BABAM2: variants seen among roughly 807,000 people sequenced by gnomAD.
The protein encoded by BABAM2 is BRISC and BRCA1-A complex member 2.
BABAM2 carries 31 observed loss-of-function variants against 54.7 expected under a neutral mutation model. The ratio of observed to expected loss-of-function variants is 0.57; its 90% CI spans 0.43 to 0.77. The LOEUF is 0.77. Ranked by LOEUF, BABAM2 falls within the 30% of genes least tolerant of loss-of-function variation. The pLI, the probability that BABAM2 is intolerant of heterozygous loss-of-function variation, is 0.00. For synonymous variants in BABAM2, 167 were observed against 162.9 expected (o/e 1.03, Z -0.19); for missense variants, 364 against 455.8 (o/e 0.80, Z 1.83).
intron 3 of BABAM2, among the ~76,000 whole-genome samples, chr2:27,963,715 T>C (rs1487451785): frequency 6.6e-6 from 1 of 152,278 alleles, no homozygotes; most frequent in South Asian, 2.1e-4. Flanking sequence ...ATGTTTCATA[T>C]GTTATTATAC....
At chr2:28,197,562 G>T (rs1186065566) in intron 7 of BABAM2, among the ~76,000 whole-genome samples, 1 of 152,134 alleles carries the variant, frequency 6.6e-6, no homozygotes, top group Non-Finnish European at 1.5e-5. Flanking sequence ...AAATGGAAAT[G>T]AAGTAAAAGG....
rs1690334954 is a variant in BABAM2 at position 28,325,081 on chromosome 2, C to G, written c.1089-13369C>G. Among the ~76,000 whole-genome samples, 1 of 152,100 alleles carries G rather than the reference C, an allele frequency of 6.6e-6. No homozygotes were observed. Among genetic ancestry groups the G allele is most frequent in the African/African-American group, 2.4e-5 (1 of 41,394 alleles). Reference sequence around the variant, plus strand: ...AAACAAAAGTGCCACATACAGTGCACTCTGATTTTATTTCACTTTATTTTA... The same window carrying G: ...AAACAAAAGTGCCACATACAGTGCAGTCTGATTTTATTTCACTTTATTTTA... On this transcript the variant is annotated intron_variant, in intron 11 of 11. Coordinates refer to ENST00000379624, the MANE Select transcript of BABAM2 (RefSeq NM_199191.3). This position sits in a 1 kb window ranked among gnomAD's most constrained non-coding sequence, Gnocchi z 4.3.
At chr2:28,112,153 C>CTTTCTTTCTTTCTTTCTTTCTTTCTTT (rs1558346881) in intron 6 of BABAM2, among the ~76,000 whole-genome samples, 1 of 7,922 alleles carries the variant, frequency 1.3e-4, no homozygotes, top group Non-Finnish European at 2.0e-4. Context: ...TTCTTTACCT[C>CTTTCTTTCTTTCTTTCTTTCTTTCTTT]CCTCCCTCCC....
At chr2:28,182,428 C>T (rs150315316) in intron 7 of BABAM2, among the ~76,000 whole-genome samples, 1,940 of 152,266 alleles carry the variant, frequency 0.013, 37 homozygotes, top group African/African-American at 0.044. Context: ...ATCACACACA[C>T]AATCATAGCT....
chr2:28,216,951 C>T (rs572762278), intron 7 of BABAM2, among the ~76,000 whole-genome samples: 1 of 152,132 alleles, frequency 6.6e-6, no homozygotes, highest in Admixed American at 6.6e-5. Flanking sequence ...TTCGCTCTGC[C>T]AGAAGGTCAT....
chr2:27,998,552 G>A (rs972921601), intron 4 of BABAM2, among the ~76,000 whole-genome samples: 6 of 151,694 alleles, frequency 4.0e-5, no homozygotes, highest in African/African-American at 1.5e-4. Flanking sequence ...TTTTAAAATT[G>A]GTTTCTGTTC....
chr2:28,187,893 C>G (rs913093520), intron 7 of BABAM2, among the ~76,000 whole-genome samples: 2 of 152,104 alleles, frequency 1.3e-5, no homozygotes, highest in African/African-American at 4.8e-5. Flanking sequence ...GTCTGGAACT[C>G]CTGACCTCAG....
At chr2:28,318,888 A>G (rs1036273100) in intron 11 of BABAM2, among the ~76,000 whole-genome samples, 1 of 152,218 alleles carries the variant, frequency 6.6e-6, no homozygotes, top group Non-Finnish European at 1.5e-5. Flanking sequence ...ATGGCAGGAA[A>G]GGGAGCCAAA....
intron 2 of BABAM2, among the ~76,000 whole-genome samples, chr2:27,911,673 TC>T (rs1666610746): frequency 1.3e-5 from 2 of 152,098 alleles, no homozygotes; most frequent in South Asian, 4.1e-4. Flanking sequence ...CCTCATCAGT[TC>T]CTCTCAGAAG....
intron 7 of BABAM2, among the ~76,000 whole-genome samples, chr2:28,201,774 A>C (rs1234991190): frequency 6.6e-6 from 1 of 152,206 alleles, no homozygotes; most frequent in Non-Finnish European, 1.5e-5. Flanking sequence ...CTTAAGACTT[A>C]TAAAGACGCT....
rs1028773831 is a variant in BABAM2 at position 28,304,025 on chromosome 2, C to A, written c.1088+5534C>A. ...CCTCCTGAGTACCCAGGACTACAGA[C>A]GTGTGCCACCACACCCAGCTAATTT... On this transcript the variant is annotated intron_variant, in intron 11 of 11. Coordinates refer to ENST00000379624, the MANE Select transcript of BABAM2 (RefSeq NM_199191.3). This position sits in a 1 kb window ranked among gnomAD's most constrained non-coding sequence, Gnocchi z 4.0. Among the ~76,000 whole-genome samples the A allele has an allele frequency of 3.9e-5, 6 of 152,150 alleles. No homozygotes were observed. Among genetic ancestry groups the A allele is most frequent in the South Asian group, 2.1e-4 (1 of 4,814 alleles).
At chr2:27,944,499 A>G (rs530107345) in intron 3 of BABAM2, among the ~76,000 whole-genome samples, 4 of 152,326 alleles carry the variant, frequency 2.6e-5, no homozygotes, top group Admixed American at 1.3e-4. Context: ...AGTTTTTGGT[A>G]TATGGCCTCT....
intron 10 of BABAM2, among the ~76,000 whole-genome samples, chr2:28,264,357 A>C (rs186367015): frequency 3.3e-5 from 5 of 152,320 alleles, no homozygotes; most frequent in African/African-American, 1.2e-4. Context: ...AAAAGAAAAA[A>C]AACTCTTTGG....
At chr2:28,276,311 G>A (rs745865677) in intron 10 of BABAM2, among the ~76,000 whole-genome samples, 1 of 152,070 alleles carries the variant, frequency 6.6e-6, no homozygotes, top group Non-Finnish European at 1.5e-5. Flanking sequence ...ACAGATGTGA[G>A]TCATCCACTT....
At chr2:28,196,836 C>CTTT (rs759950166) in intron 7 of BABAM2, among the ~76,000 whole-genome samples, 1,449 of 40,214 alleles carry the variant, frequency 0.036, 450 homozygotes, top group African/African-American at 0.089. Context: ...GAGACCCTGT[C>CTTT]TTTTTTTTTT....
chr2:28,248,244 T>C (rs1366550961), intron 10 of BABAM2, among the ~76,000 whole-genome samples: 1 of 99,490 alleles, frequency 1.0e-5, no homozygotes, highest in African/African-American at 3.5e-5. Flanking sequence ...AGTTTTGCTC[T>C]TGTTGCCCAG....
chr2:28,176,564 T>C (rs368810744), intron 7 of BABAM2, among the ~76,000 whole-genome samples: 3 of 9,852 alleles, frequency 3.0e-4, no homozygotes, highest in Admixed American at 3.1e-3. Context: ...AGTGAGACTC[T>C]ATCTCAAAAA....
chr2:28,198,089 A>C (rs1375924331), intron 7 of BABAM2, among the ~76,000 whole-genome samples: 1 of 152,144 alleles, frequency 6.6e-6, no homozygotes, highest in East Asian at 1.9e-4. Context: ...ATGCAAGGAA[A>C]TATGCTTATG....
intron 7 of BABAM2, among the ~76,000 whole-genome samples, chr2:28,133,014 A>G (rs1670223406): frequency 1.3e-5 from 2 of 152,226 alleles, no homozygotes; most frequent in African/African-American, 2.4e-5. Context: ...CTACAAATTC[A>G]CTTGGTAGAA....
Sources: gnomAD v4.1 joint callset for allele counts (sites outside exome capture counted in the v4.1 genomes callset) on GRCh38, gnomAD v4.1.1 for gene constraint, Gnocchi (gnomAD v3.1) non-coding constraint, MANE v1.5 for transcripts, NCBI Gene and HGNC (gene_info 2026-07-23, HGNC 2026-07-21) for gene names.